UBE3A: variants seen among roughly 807,000 people sequenced by gnomAD.
UBE3A encodes ubiquitin protein ligase E3A, also known as ubiquitin-protein ligase E3A.
UBE3A carries 6 observed loss-of-function variants against 83.4 expected under a neutral mutation model. That is an observed-to-expected ratio of 0.07 (90% CI 0.04 to 0.14). UBE3A has a LOEUF of 0.14. Ranked by LOEUF, UBE3A falls within the 10% of genes least tolerant of loss-of-function variation. The probability of loss-of-function intolerance (pLI) is 1.00; values close to 1 mark genes in which losing one functional copy is unlikely to be tolerated. For synonymous variants in UBE3A, 337 were observed against 355.4 expected, an observed-to-expected ratio of 0.95 and a Z score of 0.58; for missense variants, 456 against 1,036.1, an observed-to-expected ratio of 0.44 and a Z score of 7.69.
At chr15:25,406,194 A>C (rs1266239605) in intron 3 of UBE3A, among the ~76,000 whole-genome samples, 3 of 152,348 alleles carry the variant, frequency 2.0e-5, no homozygotes, top group South Asian at 4.1e-4. Context: ...GTTTAAAGAC[A>C]CTTAAATCAG....
chr15:25,420,344 G>C (rs1387068773), intron 1 of UBE3A, among the ~76,000 whole-genome samples: 4 of 152,040 alleles, frequency 2.6e-5, no homozygotes, highest in Non-Finnish European at 5.9e-5. Flanking sequence ...CAACTTTAAA[G>C]ACTTTGCTTC....
chr15:25,388,521 A>C (rs1285857122), intron 4 of UBE3A, among the ~76,000 whole-genome samples: 1 of 152,204 alleles, frequency 6.6e-6, no homozygotes, highest in Non-Finnish European at 1.5e-5. Flanking sequence ...CTTAATGATG[A>C]GAAACTAGAA....
rs965299008 is a variant in UBE3A at position 25,334,947 on chromosome 15, T to C, written c.*4190A>G. 1.3e-5 allele frequency: 2 copies of C among 151,304 alleles called. No homozygotes were observed. Among genetic ancestry groups the C allele is most frequent in the Non-Finnish European group, 2.9e-5 (2 of 67,890 alleles). The allele number at this position is 151,304 out of a possible 1,614,324, so 9.4% of individuals were successfully genotyped here. On this transcript the variant is annotated 3_prime_UTR_variant, in exon 13 of 13. Coordinates refer to ENST00000648336, the MANE Select transcript of UBE3A (RefSeq NM_130839.5). Reference sequence around the variant, plus strand: ...CATTTAGGTGGCAACACTGACAAGATAACAGAAAGATGGAGGTAATAACAT... The same window carrying C: ...CATTTAGGTGGCAACACTGACAAGACAACAGAAAGATGGAGGTAATAACAT...
chr15:25,381,655 TTAG>T (rs2082192251), intron 4 of UBE3A, among the ~76,000 whole-genome samples: 1 of 152,230 alleles, frequency 6.6e-6, no homozygotes, highest in African/African-American at 2.4e-5. Context: ...GAACCACTGC[TTAG>T]TAATTTCTCG....
intron 4 of UBE3A, among the ~76,000 whole-genome samples, chr15:25,385,134 C>G (rs148021119): frequency 1.3e-5 from 2 of 152,060 alleles, no homozygotes; most frequent in Admixed American, 6.5e-5. Context: ...AAAATTTCTA[C>G]AAAGCAAACA....
chr15:25,369,912 G>C (rs184706002), intron 6 of UBE3A, among the ~76,000 whole-genome samples: 1 of 152,102 alleles, frequency 6.6e-6, no homozygotes, highest in Admixed American at 6.6e-5. Context: ...GATGTTACAG[G>C]CACCACTAAT....
rs910471380 is a variant in UBE3A at position 25,337,234 on chromosome 15, T to G, written c.*1903A>C. On this transcript the variant is annotated 3_prime_UTR_variant, in exon 13 of 13. Coordinates refer to ENST00000648336, the MANE Select transcript of UBE3A (RefSeq NM_130839.5). ...TACCATAATAATAAAACTTGAGAAC[T>G]GAAGAGCACACATTTCTTCACGAAT... is the stretch of plus-strand genomic sequence containing the variant. The G allele has an allele frequency of 6.6e-6, 1 of 152,188 alleles. No homozygotes were observed. Among genetic ancestry groups the G allele is most frequent in the Non-Finnish European group, 1.5e-5 (1 of 68,032 alleles). 9.4% of individuals were successfully genotyped at this position (152,188 alleles called of 1,614,324 possible).
At position 25,334,248 on chromosome 15, in the gene UBE3A, C is replaced by G. The variant is rs1241950024; in HGVS notation, c.*4889G>C. ...AGCTACAATATACAAAATCAATATA[C>G]AAAAATTAATTTTATTTCTAACACC... On this transcript the variant is annotated 3_prime_UTR_variant, in exon 13 of 13. Coordinates refer to ENST00000648336, the MANE Select transcript of UBE3A (RefSeq NM_130839.5). 1 of 151,502 alleles carries G rather than the reference C, an allele frequency of 6.6e-6. No homozygotes were observed. The highest frequency in any genetic ancestry group is 2.4e-5 in the African/African-American group (1 of 41,232). The allele number at this position is 151,502 out of a possible 1,614,324, so 9.4% of individuals were successfully genotyped here.
chr15:25,383,672 A>G (rs1351758278), intron 4 of UBE3A, among the ~76,000 whole-genome samples: 1 of 152,144 alleles, frequency 6.6e-6, no homozygotes, highest in Non-Finnish European at 1.5e-5. Flanking sequence ...TCAATTCGCT[A>G]GAAAGATATG....
chr15:25,413,624 T>A (rs896508287), intron 1 of UBE3A, among the ~76,000 whole-genome samples: 5 of 152,166 alleles, frequency 3.3e-5, no homozygotes, highest in African/African-American at 4.8e-5. Flanking sequence ...ACTTGCAACA[T>A]AATTCCCTCA....
chr15:25,365,832 G>A (rs1165975738), intron 6 of UBE3A, among the ~76,000 whole-genome samples: 2 of 151,410 alleles, frequency 1.3e-5, no homozygotes, highest in Non-Finnish European at 2.9e-5. Flanking sequence ...TATTGCTTGA[G>A]ATTTCCAGAT....
At chr15:25,355,391 C>G (rs2077080246) in intron 9 of UBE3A, among the ~76,000 whole-genome samples, 2 of 152,030 alleles carry the variant, frequency 1.3e-5, no homozygotes, top group African/African-American at 4.8e-5. Context: ...TAAAGGTATA[C>G]TATATATTTG....
chr15:25,367,217 ATATTTACATATTTGTAAAT>A (rs2079349525), intron 6 of UBE3A, among the ~76,000 whole-genome samples: 4 of 102,062 alleles, frequency 3.9e-5, no homozygotes, highest in African/African-American at 1.2e-4. Context: ...AAATATGTAA[ATATTTACATATTTGTAAAT>A]ATGTAAATAT....
chr15:25,370,547 A>G lies in UBE3A; in HGVS notation c.1608+19T>C. On this transcript the variant is annotated intron_variant, in intron 6 of 12. Transcript: ENST00000648336. The surrounding 1 kb of genome is among the most constrained non-coding windows in gnomAD (Gnocchi z 4.2). The stretch of plus-strand genomic sequence containing the variant: ...TGATATCCCCATTATTAGGTTTTTA[A>G]TCTAGCAGCCCAACTTACCCGGACA... 6.2e-7 allele frequency: 1 copy of G among 1,614,036 alleles called. No homozygotes were observed. Among genetic ancestry groups the G allele is most frequent in the South Asian group, 1.1e-5 (1 of 91,072 alleles).
chr15:25,412,490 C>A (rs937823200), intron 1 of UBE3A, among the ~76,000 whole-genome samples: 1 of 152,054 alleles, frequency 6.6e-6, no homozygotes. Flanking sequence ...TAATGCCTAC[C>A]TGGCACAAAA....
intron 6 of UBE3A, among the ~76,000 whole-genome samples, chr15:25,360,939 G>C (rs2077970109): frequency 6.6e-6 from 1 of 152,110 alleles, no homozygotes; most frequent in African/African-American, 2.4e-5. Context: ...CAAGGGTTAA[G>C]TCTTAGTATC....
At chr15:25,420,613 C>G (rs1304857901) in intron 1 of UBE3A, 1 of 152,038 alleles carries the variant, frequency 6.6e-6, no homozygotes, top group African/African-American at 2.4e-5. Context: ...ACTTTTTACA[C>G]CCATTAGAAT....
chr15:25,344,447 T>C (rs1482966774), intron 11 of UBE3A, among the ~76,000 whole-genome samples: 1 of 152,152 alleles, frequency 6.6e-6, no homozygotes, highest in Non-Finnish European at 1.5e-5. Flanking sequence ...CAACAATTTA[T>C]TGGAAAAATA....
chr15:25,358,925 A>C (rs1276051762), intron 7 of UBE3A, among the ~76,000 whole-genome samples: 2 of 152,210 alleles, frequency 1.3e-5, no homozygotes, highest in African/African-American at 2.4e-5. Flanking sequence ...ACAATTAATA[A>C]ATTTGTTCAA....
Sources: allele counts gnomAD v4.1 joint callset (sites outside exome capture counted in the v4.1 genomes callset), GRCh38; gene constraint gnomAD v4.1.1; non-coding constraint Gnocchi (gnomAD v3.1); transcripts MANE v1.5; gene names NCBI Gene and HGNC (gene_info 2026-07-23, HGNC 2026-07-21).